The following TRABD2B variants were observed in gnomAD, a reference collection of about 807,000 sequenced individuals.
TRABD2B encodes TraB domain containing 2B.
Under a neutral mutation model 40.1 loss-of-function variants are expected in TRABD2B, and 14 were observed. That is an observed-to-expected ratio of 0.35 (90% CI 0.23 to 0.55). The LOEUF is 0.55. Ranked by LOEUF, TRABD2B falls within the 20% of genes least tolerant of loss-of-function variation. TRABD2B has a pLI of 0.90. For missense variants in TRABD2B, 541 were observed against 648.6 expected (o/e 0.83, Z 1.80); for synonymous variants, 263 against 277.0 (o/e 0.95, Z 0.50).
intron 2 of TRABD2B, among the ~76,000 whole-genome samples, chr1:47,962,019 AATACT>A (rs1557682380): frequency 6.6e-6 from 1 of 152,180 alleles, no homozygotes; most frequent in Non-Finnish European, 1.5e-5. Flanking sequence ...TACACCATGG[AATACT>A]ATGCAGCCAT....
At chr1:47,930,281 C>T (rs1187161013) in intron 2 of TRABD2B, among the ~76,000 whole-genome samples, 2 of 152,230 alleles carry the variant, frequency 1.3e-5, no homozygotes, top group African/African-American at 4.8e-5. Context: ...TTGGCTTTGA[C>T]AAAGCTTTAG....
chr1:47,879,435 G>A (rs1002064476), intron 2 of TRABD2B, among the ~76,000 whole-genome samples: 1 of 152,162 alleles, frequency 6.6e-6, no homozygotes, highest in Non-Finnish European at 1.5e-5. Context: ...TGCTGTACAG[G>A]TTTGTAGTCT....
At chr1:47,839,486 C>A (rs553725020) in intron 2 of TRABD2B, among the ~76,000 whole-genome samples, 1 of 152,336 alleles carries the variant, frequency 6.6e-6, no homozygotes, top group Non-Finnish European at 1.5e-5. Context: ...GCTGACACTA[C>A]CTGGCTTCAG....
intron 2 of TRABD2B, among the ~76,000 whole-genome samples, chr1:47,883,451 TA>T (rs964532120): frequency 1.4e-4 from 21 of 152,134 alleles, no homozygotes; most frequent in African/African-American, 5.1e-4. Context: ...GAGACATAAC[TA>T]GGGGGTAGGG....
rs1401804481 is a variant in TRABD2B, at chr1:47,997,178, G to A, written c.-389C>T. ...CGCAAGGGTCCCGGGGTTATGCTGGGCACCCGGGGCACGCAAGGGTCCCAG... is the reference window on the plus strand; with the variant it reads ...CGCAAGGGTCCCGGGGTTATGCTGGACACCCGGGGCACGCAAGGGTCCCAG... On this transcript the variant is annotated 5_prime_UTR_variant, in exon 1 of 7. Coordinates refer to ENST00000606738, the MANE Select transcript of TRABD2B (RefSeq NM_001194986.2). 8 of 983,498 alleles carry A rather than the reference G, an allele frequency of 8.1e-6. No individual in the cohort carries two copies. Among genetic ancestry groups the A allele is most frequent in the Non-Finnish European group, 9.6e-6 (8 of 829,242 alleles). The allele number at this position is 983,498 out of a possible 1,614,324, so 60.9% of individuals were successfully genotyped here.
rs576049050 is a variant in TRABD2B, at chr1:47,847,276, C to T, written c.667-45657G>A. 2.6e-5 allele frequency among the ~76,000 whole-genome samples: 4 copies of T among 152,160 alleles called. No individual in the cohort carries two copies. The East Asian group carries it at 7.7e-4, about 29-fold the overall frequency. On this transcript the variant is annotated intron_variant, in intron 2 of 6. Coordinates refer to ENST00000606738, the MANE Select transcript of TRABD2B (RefSeq NM_001194986.2). ...TAAAATGGACTTATCTTCCATGGTGCGCTGCCACACCACCCCCTTCACAGG... is the reference window on the plus strand; with the variant it reads ...TAAAATGGACTTATCTTCCATGGTGTGCTGCCACACCACCCCCTTCACAGG...
chr1:47,775,249 G>T lies in TRABD2B; in HGVS notation c.1270C>A (p.Gln424Lys). Residue 424 changes from glutamine to lysine, a missense_variant, in exon 6 of 7, where the codon CAG becomes AAG. Around this residue, in one of 2 missense-constraint regions of TRABD2B, gnomAD observed 172 missense variants for 155.8 expected, o/e 1.10. Coordinates refer to ENST00000606738, the MANE Select transcript of TRABD2B (RefSeq NM_001194986.2). Reference protein sequence around the residue: ...SLSQLEEFGRQRKWHKRQSTH... With the variant: ...SLSQLEEFGRKRKWHKRQSTH... ...CTCTGCCTCTTGTGCCACTTCCTCT[G>T]CCGGCCAAACTCCTCCAGCTGGCTG... 1 of 1,254,554 alleles carries T rather than the reference G, an allele frequency of 8.0e-7. No individual in the cohort carries two copies. The highest frequency in any genetic ancestry group is 3.3e-5 in the South Asian group (1 of 30,564). The allele number at this position is 1,254,554 out of a possible 1,614,324, so 77.7% of individuals were successfully genotyped here.
At position 47,876,608 on chromosome 1, in the gene TRABD2B, G is replaced by A. The variant is rs1644228558; in HGVS notation, c.667-74989C>T. On this transcript the variant is annotated intron_variant, in intron 2 of 6. Coordinates refer to ENST00000606738, the MANE Select transcript of TRABD2B (RefSeq NM_001194986.2). ...CTCTGGAGAAGTACAGGTTCATGGA[G>A]AAGGAAGCCATAGCCCTGTTCCTCA... 1.3e-5 allele frequency among the ~76,000 whole-genome samples: 2 copies of A among 152,208 alleles called. 1 individual carries two copies. The highest frequency in any genetic ancestry group is 2.9e-5 in the Non-Finnish European group (2 of 68,036).
chr1:47,925,137 C>G (rs1644952792), intron 2 of TRABD2B, among the ~76,000 whole-genome samples: 1 of 152,174 alleles, frequency 6.6e-6, no homozygotes, highest in Admixed American at 6.5e-5. Flanking sequence ...TAGAAACTCT[C>G]ATGATTCCAG....
At chr1:47,940,787 C>T (rs1406972542) in intron 2 of TRABD2B, among the ~76,000 whole-genome samples, 5 of 152,212 alleles carry the variant, frequency 3.3e-5, no homozygotes, top group Non-Finnish European at 2.9e-5. Flanking sequence ...AAATAAGCTT[C>T]AGCCAGAGAG....
intron 2 of TRABD2B, among the ~76,000 whole-genome samples, chr1:47,976,244 T>C (rs536063100): frequency 1.3e-5 from 2 of 152,308 alleles, no homozygotes; most frequent in African/African-American, 4.8e-5. Flanking sequence ...TGAATTATAA[T>C]CTAAGAAGCC....
chr1:47,868,600 AT>A (rs1644093769), intron 2 of TRABD2B, among the ~76,000 whole-genome samples: 1 of 152,262 alleles, frequency 6.6e-6, no homozygotes, highest in South Asian at 2.1e-4. Flanking sequence ...CATGTGAGGG[AT>A]CTAGGCTGCA....
chr1:47,865,349 C>T (rs1176558794), intron 2 of TRABD2B, among the ~76,000 whole-genome samples: 2 of 151,966 alleles, frequency 1.3e-5, no homozygotes, highest in Non-Finnish European at 1.5e-5. Context: ...ATTTTACAAG[C>T]TGACCCAAAG....
At chr1:47,859,515 T>C (rs1467472888) in intron 2 of TRABD2B, among the ~76,000 whole-genome samples, 1 of 152,226 alleles carries the variant, frequency 6.6e-6, no homozygotes, top group Non-Finnish European at 1.5e-5. Flanking sequence ...AGTTTTGACT[T>C]GTAGAGCTCT....
intron 2 of TRABD2B, among the ~76,000 whole-genome samples, chr1:47,973,486 G>A (rs919031675): frequency 1.3e-5 from 2 of 152,158 alleles, no homozygotes; most frequent in Admixed American, 6.5e-5. Context: ...GAACCACATA[G>A]TACTTGAAAT....
At chr1:47,957,291 A>AGAGTG (rs1645438472) in intron 2 of TRABD2B, among the ~76,000 whole-genome samples, 1 of 152,238 alleles carries the variant, frequency 6.6e-6, no homozygotes. Flanking sequence ...TCTAAAAATC[A>AGAGTG]GAGTGTCTCT....
chr1:47,847,903 T>C (rs183513760), intron 2 of TRABD2B, among the ~76,000 whole-genome samples: 116 of 152,188 alleles, frequency 7.6e-4, no homozygotes, highest in African/African-American at 2.3e-3. Flanking sequence ...CAGTGAAAAA[T>C]GTCCTCACCC....
At chr1:47,964,184 T>C (rs1461982382) in intron 2 of TRABD2B, among the ~76,000 whole-genome samples, 1 of 152,278 alleles carries the variant, frequency 6.6e-6, no homozygotes, top group Non-Finnish European at 1.5e-5. Flanking sequence ...ACGAGCCAAT[T>C]TGGAAATTAA....
intron 2 of TRABD2B, among the ~76,000 whole-genome samples, chr1:47,842,450 A>G (rs1159401851): frequency 1.3e-5 from 2 of 152,072 alleles, no homozygotes; most frequent in Non-Finnish European, 2.9e-5. Context: ...ATACCCTCCC[A>G]GGGGGGAGGA....
Sources: allele counts gnomAD v4.1 joint callset (sites outside exome capture counted in the v4.1 genomes callset), GRCh38; gene constraint gnomAD v4.1.1; regional missense constraint gnomAD v4.1.1; transcripts MANE v1.5; gene names NCBI Gene and HGNC (gene_info 2026-07-23, HGNC 2026-07-21).